PRRC2B: variants seen among roughly 807,000 people sequenced by gnomAD.
PRRC2B encodes the protein proline rich coiled-coil 2B.
Under a neutral mutation model 242.3 loss-of-function variants are expected in PRRC2B, and 68 were observed. The observed-to-expected ratio is 0.28, with a 90% CI of 0.23 to 0.34. The LOEUF (loss-of-function observed/expected upper bound fraction) is 0.34. Among genes scored for constraint, PRRC2B ranks in the 10% least tolerant of loss-of-function variants. The pLI is 1.00. For synonymous variants in PRRC2B, 1,228 were observed against 1,173.6 expected (o/e 1.05, Z -0.95); for missense variants, 2,835 against 2,954.8 (o/e 0.96, Z 0.94).
At chr9:131,439,780 C>CA (rs781163398) in intron 5 of PRRC2B, among the ~76,000 whole-genome samples, 3 of 152,212 alleles carry the variant, frequency 2.0e-5, no homozygotes, top group Non-Finnish European at 4.4e-5. Flanking sequence ...CGAGTGCCAG[C>CA]AGGAGTGCAG....
intron 1 of PRRC2B, among the ~76,000 whole-genome samples, chr9:131,413,706 T>C (rs1322934803): frequency 2.0e-5 from 3 of 151,880 alleles, no homozygotes; most frequent in Non-Finnish European, 4.4e-5. Flanking sequence ...GTTTTTGCTC[T>C]TGTTGCCTAG....
At chr9:131,458,781 G>A (rs1207469335) in intron 10 of PRRC2B, among the ~76,000 whole-genome samples, 1 of 152,210 alleles carries the variant, frequency 6.6e-6, no homozygotes, top group East Asian at 1.9e-4. Flanking sequence ...AGGATTACAG[G>A]CGTGAGCCAC....
chr9:131,432,752 G>C lies in PRRC2B; in HGVS notation c.251G>C (p.Gly84Ala). The C allele has an allele frequency of 6.2e-7, 1 of 1,614,070 alleles. No homozygotes were observed. Among genetic ancestry groups the C allele is most frequent in the Non-Finnish European group, 8.5e-7 (1 of 1,179,900 alleles). ...DPNIVIVPKDGTGWANKQDQQ... is the reference protein window; with the variant it reads ...DPNIVIVPKDATGWANKQDQQ... ...AACATCGTGATAGTACCCAAGGACGGGACGGGATGGGCAAACAAGCAGGAT... is the reference window on the plus strand; with the variant it reads ...AACATCGTGATAGTACCCAAGGACGCGACGGGATGGGCAAACAAGCAGGAT... Residue 84 changes from glycine to alanine, a missense_variant, in exon 3 of 32, where the codon GGG becomes GCG. Around this residue, in one of 7 missense-constraint regions of PRRC2B, gnomAD observed 626 missense variants for 685.5 expected, o/e 0.91. Coordinates refer to ENST00000683519, the MANE Select transcript of PRRC2B (RefSeq NM_013318.4).
At chr9:131,454,900 C>T (rs1943028384) in intron 9 of PRRC2B, among the ~76,000 whole-genome samples, 176 bp from the exon 10 acceptor site, 1 of 147,934 alleles carries the variant, frequency 6.8e-6, no homozygotes, top group African/African-American at 2.6e-5. Context: ...TCGCAAAGTA[C>T]TGGGATTACA....
chr9:131,455,665 G>A (rs189817974), intron 10 of PRRC2B, among the ~76,000 whole-genome samples: 38 of 152,016 alleles, frequency 2.5e-4, no homozygotes, highest in African/African-American at 9.2e-4. Flanking sequence ...ACAGATGCAC[G>A]CCAGCATACC....
At chr9:131,439,161 G>A in intron 5 of PRRC2B, 100 bp downstream of exon 5, 1 of 957,092 alleles carries the variant, frequency 1.0e-6, no homozygotes, top group Non-Finnish European at 1.6e-6. Flanking sequence ...CAGAAGCTTT[G>A]AGGACTCTCT....
intron 1 of PRRC2B, among the ~76,000 whole-genome samples, chr9:131,426,087 C>T (rs1052336847): frequency 6.6e-6 from 1 of 151,772 alleles, no homozygotes; most frequent in Non-Finnish European, 1.5e-5. Context: ...TCTTTAATCC[C>T]AGCACTTTGG....
At chr9:131,408,841 T>C (rs568737431) in intron 1 of PRRC2B, among the ~76,000 whole-genome samples, 1 of 151,876 alleles carries the variant, frequency 6.6e-6, no homozygotes, top group African/African-American at 2.4e-5. Flanking sequence ...TGCCTCAGCC[T>C]TCCGAGTAGC....
intron 1 of PRRC2B, among the ~76,000 whole-genome samples, chr9:131,384,716 C>T (rs1836806201): frequency 6.6e-6 from 1 of 151,550 alleles, no homozygotes; most frequent in African/African-American, 2.4e-5. Flanking sequence ...CTGCGCCTGG[C>T]TTAATTTTGC....
chr9:131,457,287 T>G (rs1943109735), intron 10 of PRRC2B, among the ~76,000 whole-genome samples: 1 of 152,224 alleles, frequency 6.6e-6, no homozygotes, highest in African/African-American at 2.4e-5. Flanking sequence ...GATCAAGAAT[T>G]AAAATCAAAG....
At position 131,446,534 on chromosome 9, in the gene PRRC2B, T is replaced by G. The variant is rs866170649; in HGVS notation, c.747T>G (p.Asp249Glu). The G allele has an allele frequency of 6.2e-7, 1 of 1,613,904 alleles. No individual in the cohort carries two copies. The highest frequency in any genetic ancestry group is 1.3e-5 in the African/African-American group (1 of 75,026). Residue 249 changes from aspartate (D) to glutamate (E), a missense_variant, in exon 7 of 32, where the codon GAT becomes GAG. Transcript: ENST00000683519. The surrounding 1 kb of genome is among the most constrained non-coding windows in gnomAD (Gnocchi z 4.1). ...CCCCCTCCTCGGCATGTACCAGCGATTCTAAGGACCCCTCTCTCCGCCCGG... is the reference window on the plus strand; with the variant it reads ...CCCCCTCCTCGGCATGTACCAGCGAGTCTAAGGACCCCTCTCTCCGCCCGG... ...DGAPSSACTS[D>E]SKDPSLRPAQ...
rs747094274 is a variant in PRRC2B at position 131,446,592 on chromosome 9, A to T, written c.805A>T (p.Met269Leu). The T allele has an allele frequency of 1.8e-5, 29 of 1,613,818 alleles. No homozygotes were observed. In the Admixed American group the frequency reaches 4.7e-4, roughly 26 times the overall value. Residue 269 changes from methionine (M) to leucine (L), a missense_variant, in exon 7 of 32, where the codon ATG becomes TTG. Met to Leu is a conservative substitution (Grantham distance 15). Around this residue, in one of 7 missense-constraint regions of PRRC2B, gnomAD observed 626 missense variants for 685.5 expected, o/e 0.91. Coordinates refer to ENST00000683519, the MANE Select transcript of PRRC2B (RefSeq NM_013318.4). This position sits in a 1 kb window ranked among gnomAD's most constrained non-coding sequence, Gnocchi z 4.1. ...TGTCCGAAAAGGGGCTTCACAGTTCATGGGAAATGTATACCACCCACCTAC... is the reference window on the plus strand; with the variant it reads ...TGTCCGAAAAGGGGCTTCACAGTTCTTGGGAAATGTATACCACCCACCTAC... ...QPVRKGASQF[M>L]GNVYHPPTYH... is the part of the protein sequence containing the mutation.
intron 10 of PRRC2B, among the ~76,000 whole-genome samples, chr9:131,458,563 G>A (rs1943150720): frequency 6.6e-6 from 1 of 151,352 alleles, no homozygotes; most frequent in African/African-American, 2.4e-5. Flanking sequence ...GGAGTGTAGT[G>A]CCGCGATTTT....
chr9:131,478,649 G>GGGGGGGGGGCCCCAGGCCC, intron 18 of PRRC2B, 30 bp downstream of exon 18: 1 of 504,560 alleles, frequency 2.0e-6, no homozygotes, highest in Non-Finnish European at 4.0e-6. Flanking sequence ...GGGGCATGGG[G>GGGGGGGGGGCCCCAGGCCC]CTGGAGGGCA....
intron 1 of PRRC2B, among the ~76,000 whole-genome samples, chr9:131,416,945 A>G (rs1055177475): frequency 6.6e-6 from 1 of 152,120 alleles, no homozygotes; most frequent in African/African-American, 2.4e-5. Context: ...TATAATACAT[A>G]TTTTTAATCT....
chr9:131,470,530 G>T (rs1178232391), intron 13 of PRRC2B, among the ~76,000 whole-genome samples: 1 of 152,094 alleles, frequency 6.6e-6, no homozygotes, highest in Non-Finnish European at 1.5e-5. Flanking sequence ...AGCCTGTCTC[G>T]TGTAGCACAG....
chr9:131,386,845 A>G (rs1035290465), intron 1 of PRRC2B, among the ~76,000 whole-genome samples: 1 of 149,458 alleles, frequency 6.7e-6, no homozygotes, highest in Non-Finnish European at 1.5e-5. Flanking sequence ...ATATATATAT[A>G]TAGGAGTTTA....
At chr9:131,444,967 G>T (rs4740240) in intron 6 of PRRC2B, among the ~76,000 whole-genome samples, 8,621 of 152,194 alleles carry the variant, frequency 0.057, 328 homozygotes, top group Admixed American at 0.11. Flanking sequence ...TTTTGAAGTG[G>T]CTCATGTAGT....
In PRRC2B at chr9:131,498,852, T is replaced by C. The variant is rs947271457; in HGVS notation, c.*2978T>C. 2.2e-4 allele frequency: 33 copies of C among 152,300 alleles called. No individual in the cohort carries two copies. Among genetic ancestry groups the C allele is most frequent in the African/African-American group, 7.7e-4 (32 of 41,578 alleles). 9.4% of individuals were successfully genotyped at this position (152,300 alleles called of 1,614,324 possible). On this transcript the variant is annotated 3_prime_UTR_variant, in exon 32 of 32. Coordinates refer to ENST00000683519, the MANE Select transcript of PRRC2B (RefSeq NM_013318.4). Reference sequence around the variant, plus strand: ...CCTTGCGGTATTGTCCACCATCCACTAGAGTGGGATGAAGTCCAGAGTGTG... The same window carrying C: ...CCTTGCGGTATTGTCCACCATCCACCAGAGTGGGATGAAGTCCAGAGTGTG...
Sources: gnomAD v4.1 joint callset for allele counts (sites outside exome capture counted in the v4.1 genomes callset) on GRCh38, gnomAD v4.1.1 for gene constraint, gnomAD v4.1.1 regional missense constraint, Gnocchi (gnomAD v3.1) non-coding constraint, MANE v1.5 for transcripts, NCBI Gene and HGNC (gene_info 2026-07-23, HGNC 2026-07-21) for gene names.